MINAR1: variants seen among roughly 807,000 people sequenced by gnomAD.
MINAR1 encodes the protein membrane integral NOTCH2 associated receptor 1, also known as major intrinsically disordered Notch2-binding receptor 1.
Under a neutral mutation model 65.1 loss-of-function variants are expected in MINAR1, and 40 were observed. The ratio of observed to expected loss-of-function variants is 0.61; its 90% CI spans 0.48 to 0.80. The LOEUF is 0.80. Among genes scored for constraint, MINAR1 ranks in the 30% least tolerant of loss-of-function variants. The pLI is 0.00. For synonymous variants in MINAR1, 482 were observed against 449.1 expected (o/e 1.07, Z -0.93); for missense variants, 1,128 against 1,148.0 (o/e 0.98, Z 0.25).
At chr15:79,463,025 C>T (rs1180575594) in intron 2 of MINAR1, 42 bp from the exon 3 acceptor site, 6 of 1,578,124 alleles carry the variant, frequency 3.8e-6, no homozygotes, top group Middle Eastern at 1.7e-4. Flanking sequence ...AATCCAAGGG[C>T]AACTGTGCCA....
rs151156447 is a variant in MINAR1, at chr15:79,458,219, G to C, written c.2072G>C (p.Ser691Thr). The change falls in exon 2 of 4, where the codon AGT (serine) becomes ACT (threonine). Residue 691 changes from serine to threonine, a missense_variant. Coordinates refer to ENST00000305428, the MANE Select transcript of MINAR1 (RefSeq NM_015206.3). Reference protein sequence around the residue: ...WCCSDASGSNSESLRVKALKK... With the variant: ...WCCSDASGSNTESLRVKALKK... ...TGCTCTGATGCTAGCGGGAGCAACA[G>C]TGAAAGCCTGCGGGTCAAGGCCTTA... 4.0e-4 allele frequency: 644 copies of C among 1,614,122 alleles called. No homozygotes were observed. In the African/African-American group the frequency reaches 7.2e-3, roughly 18 times the overall value.
Position 79,436,552 on chromosome 15 carries a change from TAAAC to T in MINAR1, c.-51+4014_-51+4017del, listed in dbSNP as rs1008586498. 1.4e-3 allele frequency among the ~76,000 whole-genome samples: 213 copies of T among 152,342 alleles called. 1 individual carries two copies. The highest frequency in any genetic ancestry group is 0.013 in the Admixed American group (197 of 15,306). ...GAATTGTCCATTAAAAGCCGGATAA[TAAAC>T]AGAAGGTGCTTTGTGAGCCAAGAAT... On this transcript the variant is annotated intron_variant, in intron 1 of 3. Transcript: ENST00000305428.
the MINAR1 span, chr15:79,417,447 C>T: frequency 3.0e-4 from 46 of 152,200 alleles, no homozygotes; most frequent in African/African-American, 1.1e-3. Context: ...ACGGGCTTCT[C>T]CTCCAAAGCT....
chr15:79,433,943 G>GT lies in MINAR1; in HGVS notation c.-51+1407dup, dbSNP rs535231186. ...GGAGTTGTACAATACCCTTTAATGG[G>GT]TTTTCCTCTTGTGTATCAGAGGAGG... On this transcript the variant is annotated intron_variant, in intron 1 of 3. Coordinates refer to ENST00000305428, the MANE Select transcript of MINAR1 (RefSeq NM_015206.3). Among the ~76,000 whole-genome samples, 30 of 152,282 alleles carry GT rather than the reference G, an allele frequency of 2.0e-4. 1 individual carries two copies. The South Asian group carries it at 5.8e-3, about 29-fold the overall frequency.
chr15:79,420,652 C>T, the MINAR1 span: 13 of 152,208 alleles, frequency 8.5e-5, no homozygotes, highest in African/African-American at 2.6e-4. Context: ...TGATATGAGG[C>T]GAATTGCTCT....
upstream of MINAR1, among the ~76,000 whole-genome samples, chr15:79,427,768 AG>A (rs745929553): frequency 1.3e-5 from 2 of 152,232 alleles, no homozygotes; most frequent in African/African-American, 4.8e-5. Flanking sequence ...TATAAGATAC[AG>A]GACAACTGAG....
upstream of MINAR1, among the ~76,000 whole-genome samples, chr15:79,431,514 T>C: frequency 8.5e-6 from 1 of 117,042 alleles, no homozygotes; most frequent in African/African-American, 4.0e-5. Flanking sequence ...TGTGTGTGTG[T>C]GGGGGGGGAG....
At chr15:79,465,379 C>T (rs537322753) in intron 3 of MINAR1, among the ~76,000 whole-genome samples, 9 of 152,278 alleles carry the variant, frequency 5.9e-5, no homozygotes, top group Admixed American at 2.6e-4. Context: ...GTGGTGCCCA[C>T]TTGAGGGCGT....
At chr15:79,433,768 C>G (rs1595925616) in intron 1 of MINAR1, among the ~76,000 whole-genome samples, 1 of 152,194 alleles carries the variant, frequency 6.6e-6, no homozygotes, top group South Asian at 2.1e-4. Context: ...TTCTCAGACA[C>G]CAGCATTACT....
intron 1 of MINAR1, among the ~76,000 whole-genome samples, chr15:79,452,682 G>A (rs1284830984): frequency 1.7e-5 from 2 of 115,926 alleles, no homozygotes; most frequent in African/African-American, 8.7e-5. Context: ...ATGAGTCTGG[G>A]TGTGTGTGTG....
upstream of MINAR1, among the ~76,000 whole-genome samples, chr15:79,429,589 T>C (rs1306449295): frequency 1.3e-5 from 2 of 152,254 alleles, no homozygotes; most frequent in Non-Finnish European, 2.9e-5. Flanking sequence ...CGTGATCTGG[T>C]GCACAGTCTC....
At chr15:79,428,258 C>CTCCTTCCTCTCTTCTT (rs1894359259), upstream of MINAR1, among the ~76,000 whole-genome samples, 2 of 97,286 alleles carry the variant, frequency 2.1e-5, no homozygotes, top group Admixed American at 1.1e-4. Flanking sequence ...CCCTCCTTCC[C>CTCCTTCCTCTCTTCTT]TCCTTCCTTT....
intron 3 of MINAR1, among the ~76,000 whole-genome samples, chr15:79,467,751 A>T (rs1310325702): frequency 5.9e-5 from 9 of 152,094 alleles, no homozygotes; most frequent in Admixed American, 5.9e-4. Context: ...AGAAGAACTG[A>T]CTCAGAGTGC....
chr15:79,452,100 G>A (rs1610398), intron 1 of MINAR1, among the ~76,000 whole-genome samples: 4,427 of 152,238 alleles, frequency 0.029, 82 homozygotes, highest in Non-Finnish European at 0.043. Flanking sequence ...GGGAGCTTGA[G>A]TACTTGTGTG....
chr15:79,423,212 G>A, the MINAR1 span: 4 of 146,780 alleles, frequency 2.7e-5, no homozygotes, highest in Admixed American at 2.7e-4. Context: ...AAATAATAAG[G>A]CAGCCTTATA....
rs1896050780 is a variant in MINAR1 at position 79,470,851 on chromosome 15, A to AT, written c.*2468dup. ...CTGGAAAGGGGTCATCCTCAGTCTG[A>AT]TAATACCAAGTCTGACGCTGAGGTT... On this transcript the variant is annotated 3_prime_UTR_variant, in exon 4 of 4. Coordinates refer to ENST00000305428, the MANE Select transcript of MINAR1 (RefSeq NM_015206.3). 1 of 152,350 alleles carries AT rather than the reference A, an allele frequency of 6.6e-6. No homozygotes were observed. Among genetic ancestry groups the AT allele is most frequent in the South Asian group, 2.1e-4 (1 of 4,832 alleles). 9.4% of individuals were successfully genotyped at this position (152,350 alleles called of 1,614,324 possible).
intron 1 of MINAR1, among the ~76,000 whole-genome samples, chr15:79,443,751 A>G (rs1894936002): frequency 6.6e-6 from 1 of 152,190 alleles, no homozygotes; most frequent in Non-Finnish European, 1.5e-5. Flanking sequence ...TTACTATTCA[A>G]AAGTGTTTGA....
At chr15:79,423,017 G>A in the MINAR1 span, 3 of 152,270 alleles carry the variant, frequency 2.0e-5, no homozygotes, top group African/African-American at 7.2e-5. Context: ...GAAATAATAT[G>A]TTCAAGTCTG....
rs76205574 is a variant in MINAR1, at chr15:79,468,658, A to C, written c.*274A>C. 2.4e-6 allele frequency: 1 copy of C among 422,442 alleles called. No homozygotes were observed. The highest frequency in any genetic ancestry group is 3.4e-5 in the South Asian group (1 of 29,152). The allele number at this position is 422,442 out of a possible 1,614,324, so 26.2% of individuals were successfully genotyped here. A position where few individuals can be genotyped will look rare whatever the true frequency, so the allele number is the denominator to read the frequency against. On this transcript the variant is annotated 3_prime_UTR_variant, in exon 4 of 4. Coordinates refer to ENST00000305428, the MANE Select transcript of MINAR1 (RefSeq NM_015206.3). ...ACATCATGGACTATCAATAAATACA[A>C]ATTGAATATTCCAAGCCAAAAAAGG... is the stretch of plus-strand genomic sequence containing the variant.
Sources: gnomAD v4.1 joint callset for allele counts (sites outside exome capture counted in the v4.1 genomes callset) on GRCh38, gnomAD v4.1.1 for gene constraint, MANE v1.5 for transcripts, NCBI Gene and HGNC (gene_info 2026-07-23, HGNC 2026-07-21) for gene names.